Variants in TSC2 observed in about 807,000 individuals in gnomAD.
The protein encoded by TSC2 is TSC complex subunit 2.
In TSC2, 29 loss-of-function variants were observed where a neutral mutation model predicts 202.2. The ratio of observed to expected loss-of-function variants is 0.14; its 90% CI spans 0.11 to 0.20. The LOEUF (loss-of-function observed/expected upper bound fraction) is 0.20. Among genes scored for constraint, TSC2 ranks in the 10% least tolerant of loss-of-function variants. The pLI is 1.00. For synonymous variants in TSC2, 1,349 were observed against 1,044.0 expected, an observed-to-expected ratio of 1.29 and a Z score of -5.63; for missense variants, 2,429 against 2,420.0, an observed-to-expected ratio of 1.00 and a Z score of -0.08.
chr16:2,057,350 C>T (rs1464961126), intron 9 of TSC2, among the ~76,000 whole-genome samples, 172 bp downstream of exon 9: 10 of 152,158 alleles, frequency 6.6e-5, no homozygotes, highest in Admixed American at 5.9e-4. Flanking sequence ...CAGCCCCTGT[C>T]CTCTCCTTCC....
At chr16:2,063,983 G>A in intron 14 of TSC2, 1 of 513,922 alleles carries the variant, frequency 1.9e-6, no homozygotes, top group Non-Finnish European at 3.6e-6. Flanking sequence ...GACAGTGAAG[G>A]GCAGGGCCTC....
At chr16:2,063,481 C>T (rs888004026) in intron 14 of TSC2, 6 of 295,928 alleles carry the variant, frequency 2.0e-5, no homozygotes, top group African/African-American at 1.3e-4. Flanking sequence ...ACTCCCTCCT[C>T]TGGGAGCTCT....
At chr16:2,081,821 G>A (rs747350075) in intron 31 of TSC2, 23 bp downstream of exon 31, 1 of 1,610,318 alleles carries the variant, frequency 6.2e-7, no homozygotes, top group Non-Finnish European at 8.5e-7. Flanking sequence ...GCGGGCCTTG[G>A]CACGGGCTCT....
chr16:2,062,381 G>T, intron 12 of TSC2, 116 bp from the exon 13 acceptor site: 1 of 981,994 alleles, frequency 1.0e-6, no homozygotes, highest in Non-Finnish European at 1.6e-6. Context: ...GCTGTGGGCT[G>T]CAGGCTGTGA....
At chr16:2,067,177 G>C (rs1353419740) in intron 16 of TSC2, among the ~76,000 whole-genome samples, 1 of 147,860 alleles carries the variant, frequency 6.8e-6, no homozygotes, top group Non-Finnish European at 1.5e-5. Flanking sequence ...TTAATTTTTT[G>C]AGACAAGATC....
chr16:2,071,650 C>G (rs1567462991), intron 18 of TSC2, 34 bp downstream of exon 18: 1 of 1,611,706 alleles, frequency 6.2e-7, no homozygotes, highest in South Asian at 1.1e-5. Flanking sequence ...CCATGAGGCT[C>G]AGGGCGTCAG....
intron 3 of TSC2, 126 bp downstream of exon 3, chr16:2,050,612 T>C (rs2084987170): frequency 1.2e-6 from 1 of 813,380 alleles, no homozygotes; most frequent in Non-Finnish European, 2.0e-6. Context: ...TTTTTTTTTT[T>C]TTTTTTTGAG....
chr16:2,078,862 TGTG>T, intron 26 of TSC2, 167 bp from the exon 27 acceptor site: 2 of 798,510 alleles, frequency 2.5e-6, no homozygotes, highest in South Asian at 3.2e-5. Flanking sequence ...TCTGGGACAA[TGTG>T]GTCCACGTGA....
chr16:2,054,166 G>T, intron 4 of TSC2, 130 bp from the exon 5 acceptor site: 2 of 1,437,172 alleles, frequency 1.4e-6, no homozygotes, highest in Non-Finnish European at 1.9e-6. Context: ...CCTGTCTCTT[G>T]CAGGGCGCCT....
Position 2,084,957 on chromosome 16 carries a change from G to C in TSC2, c.4500G>C (p.Val1500=). The change falls in exon 35 of 42, where the codon GTG becomes GTC. Residue 1500 remains valine, a synonymous_variant. Transcript: ENST00000219476. ...EKVPGINPSF[V]FLQLYHSPFF... ...CCATCCCCTCCCTGTGCAGTTTCGT[G>C]TTCCTGCAGCTCTACCATTCCCCCT... is the stretch of plus-strand genomic sequence containing the variant. The C allele has an allele frequency of 6.2e-7, 1 of 1,613,302 alleles. No individual in the cohort carries two copies. Among genetic ancestry groups the C allele is most frequent in the Admixed American group, 1.7e-5 (1 of 60,026 alleles).
At chr16:2,078,951 G>C (rs1393276314) in intron 26 of TSC2, 81 bp from the exon 27 acceptor site, 1 of 1,590,758 alleles carries the variant, frequency 6.3e-7, no homozygotes, top group Non-Finnish European at 8.6e-7. Flanking sequence ...CCGTGCATGC[G>C]TTGAGCTTTG....
Position 2,072,924 on chromosome 16 carries a change from G to T in TSC2, c.2296G>T (p.Val766Leu). 2 of 1,613,640 alleles carry T rather than the reference G, an allele frequency of 1.2e-6. No homozygotes were observed. Among genetic ancestry groups the T allele is most frequent in the Non-Finnish European group, 1.7e-6 (2 of 1,180,042 alleles). The change falls in exon 21 of 42, where the codon GTG becomes TTG. Residue 766 changes from valine to leucine, a missense_variant. Transcript: ENST00000219476. The part of the protein sequence containing the change: ...GFSRTDLHLA[V>L]VPVLTALISY... Reference sequence around the variant, plus strand: ...CTCCAGAACTGACTTGCACCTGGCCGTGGTTCCAGTGCTGACAGCATTAAT... The same window carrying T: ...CTCCAGAACTGACTTGCACCTGGCCTTGGTTCCAGTGCTGACAGCATTAAT...
In TSC2 at chr16:2,087,795, G is replaced by A. The variant is rs937524135; in HGVS notation, c.4990-68G>A. 141 of 1,572,476 alleles carry A rather than the reference G, an allele frequency of 9.0e-5. No individual in the cohort carries two copies. The African/African-American group carries it at 9.7e-4, about 11-fold the overall frequency. On this transcript the variant is annotated intron_variant, in intron 38 of 41. Transcript: ENST00000219476. ...TGACAGGTGTCTAGCAGTGCAACCA[G>A]GCAGTAGCCGAGATCAGCCTTCAGC...
rs397514881 is a variant in TSC2, at chr16:2,061,901, G to A, written c.1150G>A (p.Val384Ile). The A allele has an allele frequency of 1.2e-5, 19 of 1,614,196 alleles. No homozygotes were observed. The South Asian group carries it at 1.5e-4, about 13-fold the overall frequency. The change falls in exon 12 of 42, where the codon GTC (valine) becomes ATC (isoleucine). Residue 384 changes from valine to isoleucine, a missense_variant. Transcript: ENST00000219476. Reference protein sequence around the residue: ...TLDSPELRTIVHDLLTTVEEL... With the variant: ...TLDSPELRTIIHDLLTTVEEL... Reference sequence around the variant, plus strand: ...GGACAGCCCGGAGCTCAGGACCATCGTCCATGACCTGTTGACCACGGTGGA... The same window carrying A: ...GGACAGCCCGGAGCTCAGGACCATCATCCATGACCTGTTGACCACGGTGGA...
In TSC2 at chr16:2,088,029, GACC is replaced by G. The variant is rs397514923; in HGVS notation, c.5069-14_5069-12del. The G allele has an allele frequency of 1.7e-5, 28 of 1,611,466 alleles. No homozygotes were observed. The highest frequency in any genetic ancestry group is 2.2e-5 in the Non-Finnish European group (26 of 1,179,764). On this transcript the variant is annotated splice_polypyrimidine_tract_variant and intron_variant, in intron 39 of 41. Transcript: ENST00000219476. The stretch of plus-strand genomic sequence containing the variant: ...GCGCCAAGAGCCCTGGGCCTGGCGT[GACC>G]ACCAAGTCTCCCCAGACATGGAGGG...
intron 2 of TSC2, 42 bp downstream of exon 2, chr16:2,048,795 G>A (rs2084697469): frequency 2.5e-6 from 4 of 1,613,400 alleles, no homozygotes; most frequent in Non-Finnish European, 3.4e-6. Flanking sequence ...AGAGGGAAAT[G>A]CAGAGAAGGC....
At chr16:2,073,838 TCTG>T (rs1314792076) in intron 21 of TSC2, among the ~76,000 whole-genome samples, 4 of 152,280 alleles carry the variant, frequency 2.6e-5, no homozygotes, top group Middle Eastern at 3.2e-3. Context: ...CCGCTCATCT[TCTG>T]CTGTCCTCAT....
At chr16:2,086,438 C>T (rs2151578844) in intron 37 of TSC2, 59 bp downstream of exon 37, 1 of 1,582,978 alleles carries the variant, frequency 6.3e-7, no homozygotes, top group South Asian at 1.1e-5. Flanking sequence ...GGCTCCCATC[C>T]AGTCCTGCTA....
intron 30 of TSC2, chr16:2,080,912 CTGCAAGTCCGAGACCAAGG>C (rs1279266921): frequency 5.9e-6 from 1 of 169,716 alleles, no homozygotes. Context: ...CGCCTGGAGG[CTGCAAGTCCGAGACCAAGG>C]TGCTCCTCGG....
Sources: gnomAD v4.1 joint callset for allele counts (sites outside exome capture counted in the v4.1 genomes callset) on GRCh38, gnomAD v4.1.1 for gene constraint, MANE v1.5 for transcripts, NCBI Gene and HGNC (gene_info 2026-07-23, HGNC 2026-07-21) for gene names.